Variants in ATXN10 observed in about 807,000 individuals in gnomAD.
The protein encoded by ATXN10 is ataxin 10.
A neutral mutation model predicts 52.9 loss-of-function variants in ATXN10; 28 were observed. The observed-to-expected ratio is 0.53, with a 90% CI of 0.39 to 0.73. The LOEUF is 0.73. Ranked by LOEUF, ATXN10 falls within the 30% of genes least tolerant of loss-of-function variation. The pLI, the probability that ATXN10 is intolerant of heterozygous loss-of-function variation, is 0.00. For synonymous variants in ATXN10, 226 were observed against 221.5 expected (o/e 1.02, Z -0.18); for missense variants, 565 against 577.0 (o/e 0.98, Z 0.21).
Position 45,783,253 on chromosome 22 carries a change from A to G in ATXN10, c.1174-23706A>G, listed in dbSNP as rs568756900. 4.6e-5 allele frequency among the ~76,000 whole-genome samples: 7 copies of G among 152,332 alleles called. No homozygotes were observed. Among genetic ancestry groups the G allele is most frequent in the Non-Finnish European group, 7.4e-5 (5 of 68,026 alleles). ...ATAGTGTGGGTGTGCTGGACAAGGG[A>G]GGATTCAAGCCCTGGGAGGGATGGT... On this transcript the variant is annotated intron_variant, in intron 9 of 11. Coordinates refer to ENST00000252934, the MANE Select transcript of ATXN10 (RefSeq NM_013236.4). The surrounding 1 kb of genome is among the most constrained non-coding windows in gnomAD (Gnocchi z 5.0).
Position 45,683,853 on chromosome 22 carries a change from A to G in ATXN10, c.117-5859A>G, listed in dbSNP as rs956600042. Among the ~76,000 whole-genome samples, 2 of 152,178 alleles carry G rather than the reference A, an allele frequency of 1.3e-5. No individual in the cohort carries two copies. The highest frequency in any genetic ancestry group is 4.8e-5 in the African/African-American group (2 of 41,442). ...GATAGATGCCATTTACCAAGTTACC[A>G]TGTATACACAGTTCTGCTCTTGGGC... On this transcript the variant is annotated intron_variant, in intron 1 of 11. Transcript: ENST00000252934. The surrounding 1 kb of genome is among the most constrained non-coding windows in gnomAD (Gnocchi z 4.8).
chr22:45,794,158 G>A (rs577298081), intron 9 of ATXN10, among the ~76,000 whole-genome samples: 4 of 152,236 alleles, frequency 2.6e-5, no homozygotes, highest in Non-Finnish European at 4.4e-5. Flanking sequence ...ATGTCTTATA[G>A]AAAATGGCTT....
chr22:45,741,463 G>T (rs1053955199), intron 9 of ATXN10, among the ~76,000 whole-genome samples: 1 of 152,128 alleles, frequency 6.6e-6, no homozygotes, highest in African/African-American at 2.4e-5. Context: ...GCGAGTTGCT[G>T]AATACACATG....
At chr22:45,722,027 G>A (rs1250961980) in intron 6 of ATXN10, among the ~76,000 whole-genome samples, 2 of 152,232 alleles carry the variant, frequency 1.3e-5, no homozygotes, top group African/African-American at 4.8e-5. Context: ...ATGACAGCCA[G>A]TGATTGAGAG....
Position 45,806,895 on chromosome 22 carries a change from A to T in ATXN10, c.1174-64A>T, listed in dbSNP as rs147835711. On this transcript the variant is annotated intron_variant, in intron 9 of 11. Transcript: ENST00000252934. ...TAAGAAAACACAAAAGGAACAAGTC[A>T]TCTGTAATCTCTGACTATAGCCATG... 1.2e-5 allele frequency: 15 copies of T among 1,243,814 alleles called. No individual in the cohort carries two copies. The African/African-American group carries it at 1.3e-4, about 11-fold the overall frequency. 77.0% of individuals were successfully genotyped at this position (1,243,814 alleles called of 1,614,324 possible).
rs1925170346 is a variant in ATXN10 at position 45,733,606 on chromosome 22, G to C, written c.894+4016G>C. On this transcript the variant is annotated intron_variant, in intron 7 of 11. Coordinates refer to ENST00000252934, the MANE Select transcript of ATXN10 (RefSeq NM_013236.4). This position sits in a 1 kb window ranked among gnomAD's most constrained non-coding sequence, Gnocchi z 4.4. ...CAAAAATTAGCCGGGTGTGGTGGCGGATGCCTGTAATCCCAGCTACTCGGG... is the reference window on the plus strand; with the variant it reads ...CAAAAATTAGCCGGGTGTGGTGGCGCATGCCTGTAATCCCAGCTACTCGGG... Among the ~76,000 whole-genome samples, 1 of 151,970 alleles carries C rather than the reference G, an allele frequency of 6.6e-6. No individual in the cohort carries two copies. Among genetic ancestry groups the C allele is most frequent in the Admixed American group, 6.6e-5 (1 of 15,264 alleles).
rs982872248 is a variant in ATXN10, at chr22:45,696,206, G to A, written c.391+3128G>A. On this transcript the variant is annotated intron_variant, in intron 3 of 11. Coordinates refer to ENST00000252934, the MANE Select transcript of ATXN10 (RefSeq NM_013236.4). This position sits in a 1 kb window ranked among gnomAD's most constrained non-coding sequence, Gnocchi z 4.7. ...AGCTCTATTTTATAATAAAAGGGAA[G>A]CATCAGTACTCAAAATTGGGGAATT... is the stretch of plus-strand genomic sequence containing the variant. Among the ~76,000 whole-genome samples the A allele has an allele frequency of 2.1e-4, 32 of 152,268 alleles. No homozygotes were observed. Among genetic ancestry groups the A allele is most frequent in the African/African-American group, 7.5e-4 (31 of 41,556 alleles).
rs136028 is a variant in ATXN10 at position 45,840,335 on chromosome 22, AAGAGAGAG to A, written c.1238-2652_1238-2645del. Among the ~76,000 whole-genome samples, 1 of 152,036 alleles carries A rather than the reference AAGAGAGAG, an allele frequency of 6.6e-6. No homozygotes were observed. Among genetic ancestry groups the A allele is most frequent in the African/African-American group, 2.4e-5 (1 of 41,314 alleles). ...TGCAGTGTGATGAGAACTGTTAAAA[AAGAGAGAG>A]AGAATGCATTGGAAACAGACAGCAG... is the stretch of plus-strand genomic sequence containing the variant. On this transcript the variant is annotated intron_variant, in intron 10 of 11. Transcript: ENST00000252934. This position sits in a 1 kb window ranked among gnomAD's most constrained non-coding sequence, Gnocchi z 5.8.
Position 45,822,593 on chromosome 22 carries a change from C to T in ATXN10, c.1237+15571C>T, listed in dbSNP as rs185080338. On this transcript the variant is annotated intron_variant, in intron 10 of 11. Coordinates refer to ENST00000252934, the MANE Select transcript of ATXN10 (RefSeq NM_013236.4). ...TCACCCAGGCTGGAGTGCAGTGGCA[C>T]GATCTCGGCTCACTGCAACCTCCAT... Among the ~76,000 whole-genome samples the T allele has an allele frequency of 6.9e-4, 99 of 143,540 alleles. 1 individual carries two copies. In the East Asian group the frequency reaches 0.018, roughly 26 times the overall value. The allele number at this position is 143,540 out of a possible 152,430, so 94.2% of individuals were successfully genotyped here.
At position 45,672,123 on chromosome 22, in the gene ATXN10, C is replaced by T. The variant is rs1458926324; in HGVS notation, c.60C>T (p.Ile20=). 2 of 1,540,766 alleles carry T rather than the reference C, an allele frequency of 1.3e-6. No individual in the cohort carries two copies. The highest frequency in any genetic ancestry group is 3.9e-5 in the Admixed American group (2 of 50,904). The change falls in exon 1 of 12, where the codon ATC becomes ATT. Residue 20 remains isoleucine (I), a synonymous_variant. Coordinates refer to ENST00000252934, the MANE Select transcript of ATXN10 (RefSeq NM_013236.4). ...RLSGVMVPAP[I]QDLEALRALT... The stretch of plus-strand genomic sequence containing the variant: ...CGGGCGTCATGGTGCCGGCGCCCAT[C>T]CAAGACCTGGAGGCCCTGCGCGCGC...
intron 3 of ATXN10, among the ~76,000 whole-genome samples, chr22:45,695,823 G>A: frequency 6.6e-6 from 1 of 152,134 alleles, no homozygotes; most frequent in Non-Finnish European, 1.5e-5. Context: ...ATGTTAATAT[G>A]TGTGCTTCTC....
In ATXN10 at chr22:45,772,760, CT is replaced by C. The variant is rs1365218454; in HGVS notation, c.1173+32223del. On this transcript the variant is annotated intron_variant, in intron 9 of 11. Transcript: ENST00000252934. This position sits in a 1 kb window ranked among gnomAD's most constrained non-coding sequence, Gnocchi z 4.1. ...TTTTCTCATTTTCAGCATGTAGATC[CT>C]GTGTATGCTTTGTTAGATTTATTTT... Among the ~76,000 whole-genome samples the C allele has an allele frequency of 6.6e-6, 1 of 152,052 alleles. No individual in the cohort carries two copies. The highest frequency in any genetic ancestry group is 1.5e-5 in the Non-Finnish European group (1 of 68,020).
In ATXN10 at chr22:45,688,495, T is replaced by C. The variant is rs938642109; in HGVS notation, c.117-1217T>C. Among the ~76,000 whole-genome samples, 1 of 152,202 alleles carries C rather than the reference T, an allele frequency of 6.6e-6. No individual in the cohort carries two copies. Among genetic ancestry groups the C allele is most frequent in the African/African-American group, 2.4e-5 (1 of 41,456 alleles). On this transcript the variant is annotated intron_variant, in intron 1 of 11. Transcript: ENST00000252934. The surrounding 1 kb of genome is among the most constrained non-coding windows in gnomAD (Gnocchi z 4.0). ...GACAGAGAGAAAACATAATAAATAA[T>C]GTGAGTTCTATTGTCTGTTCGTAAG... is the stretch of plus-strand genomic sequence containing the variant.
chr22:45,682,637 A>T (rs1456107990), intron 1 of ATXN10, among the ~76,000 whole-genome samples: 7 of 152,132 alleles, frequency 4.6e-5, no homozygotes, highest in African/African-American at 1.7e-4. Flanking sequence ...TGAATGCTAG[A>T]CTTGTTTATT....
rs150883380 is a variant in ATXN10, at chr22:45,684,734, C to T, written c.117-4978C>T. Among the ~76,000 whole-genome samples, 709 of 152,264 alleles carry T rather than the reference C, an allele frequency of 4.7e-3. 2 individuals are homozygous for T. The highest frequency in any genetic ancestry group is 7.9e-3 in the Non-Finnish European group (536 of 68,022). ...AATGGATTGGTCTGGGTTGTCAGGA[C>T]GGCTTCGGAATCCTGGATGTGACAG... is the stretch of plus-strand genomic sequence containing the variant. On this transcript the variant is annotated intron_variant, in intron 1 of 11. Coordinates refer to ENST00000252934, the MANE Select transcript of ATXN10 (RefSeq NM_013236.4). The surrounding 1 kb of genome is among the most constrained non-coding windows in gnomAD (Gnocchi z 4.1).
intron 9 of ATXN10, 173 bp downstream of exon 9, chr22:45,740,711 CACACACACATATAT>C (rs1925483532): frequency 6.1e-6 from 2 of 327,464 alleles, no homozygotes. Context: ...CACACACACA[CACACACACATATAT>C]ATACACACAC....
intron 7 of ATXN10, chr22:45,734,291 A>C (rs986231508): frequency 6.0e-6 from 1 of 167,454 alleles, no homozygotes; most frequent in East Asian, 1.7e-4. Flanking sequence ...TTTAATTACT[A>C]TTTCTCGTTA....
chr22:45,685,959 G>A (rs1445094447), intron 1 of ATXN10, among the ~76,000 whole-genome samples: 2 of 152,160 alleles, frequency 1.3e-5, no homozygotes, highest in South Asian at 2.1e-4. Flanking sequence ...CTTATCCACT[G>A]TATCATTTAA....
At chr22:45,687,280 A>G (rs181409812) in intron 1 of ATXN10, among the ~76,000 whole-genome samples, 174 of 152,292 alleles carry the variant, frequency 1.1e-3, no homozygotes, top group African/African-American at 3.9e-3. Flanking sequence ...CTTTAAGAAT[A>G]TTGCTTTTCT....
Sources: allele counts gnomAD v4.1 joint callset (sites outside exome capture counted in the v4.1 genomes callset), GRCh38; gene constraint gnomAD v4.1.1; non-coding constraint Gnocchi (gnomAD v3.1); transcripts MANE v1.5; gene names NCBI Gene and HGNC (gene_info 2026-07-23, HGNC 2026-07-21).